METTL16: variants seen among roughly 807,000 people sequenced by gnomAD.
METTL16 encodes RNA N(6)-adenosine-methyltransferase METTL16.
Under a neutral mutation model 57.9 loss-of-function variants are expected in METTL16, and 19 were observed. The observed-to-expected ratio is 0.33, with a 90% CI of 0.23 to 0.48. The LOEUF (loss-of-function observed/expected upper bound fraction) is 0.48, where lower values mean the gene tolerates loss of function less well. Among genes scored for constraint, METTL16 ranks in the 20% least tolerant of loss-of-function variants. The pLI is 0.99. For missense variants in METTL16, 434 were observed against 691.5 expected, an observed-to-expected ratio of 0.63 and a Z score of 4.18; for synonymous variants, 246 against 255.6, an observed-to-expected ratio of 0.96 and a Z score of 0.36.
chr17:2,450,232 C>T (rs1308336341), intron 6 of METTL16, among the ~76,000 whole-genome samples: 1 of 152,196 alleles, frequency 6.6e-6, no homozygotes, highest in Non-Finnish European at 1.5e-5. Context: ...TGTCCTTCAA[C>T]TGGCAAATGG....
At chr17:2,495,738 G>A (rs555165649) in intron 2 of METTL16, among the ~76,000 whole-genome samples, 37 of 150,598 alleles carry the variant, frequency 2.5e-4, no homozygotes, top group Non-Finnish European at 7.4e-5. Context: ...ACCCTCATAG[G>A]TGAGTCTGAC....
At chr17:2,429,376 C>G (rs552325195) in intron 8 of METTL16, among the ~76,000 whole-genome samples, 1 of 150,148 alleles carries the variant, frequency 6.7e-6, no homozygotes, top group Non-Finnish European at 1.5e-5. Context: ...TTAATAGAGA[C>G]GGGGATTCAC....
chr17:2,490,067 T>C (rs776912305), intron 2 of METTL16, among the ~76,000 whole-genome samples: 12 of 152,162 alleles, frequency 7.9e-5, no homozygotes, highest in Non-Finnish European at 1.6e-4. Flanking sequence ...TACATTCTGA[T>C]TGCATTCTTG....
chr17:2,492,058 A>C (rs950673611), intron 2 of METTL16, among the ~76,000 whole-genome samples: 2 of 150,006 alleles, frequency 1.3e-5, no homozygotes, highest in Non-Finnish European at 3.0e-5. Flanking sequence ...AAAAATACAA[A>C]AAATTAGCCG....
chr17:2,446,356 AC>A (rs2066995123), intron 6 of METTL16, among the ~76,000 whole-genome samples: 1 of 152,218 alleles, frequency 6.6e-6, no homozygotes, highest in African/African-American at 2.4e-5. Context: ...AAGAAGTAAA[AC>A]TGCCTTTACT....
intron 6 of METTL16, among the ~76,000 whole-genome samples, chr17:2,448,686 T>C (rs1420640305): frequency 4.3e-5 from 5 of 115,434 alleles, no homozygotes; most frequent in East Asian, 2.3e-4. Context: ...CCTCCACTAT[T>C]GTCCTATGAC....
chr17:2,502,750 T>G (rs1454066626), intron 1 of METTL16, among the ~76,000 whole-genome samples: 1 of 151,408 alleles, frequency 6.6e-6, no homozygotes, highest in Non-Finnish European at 1.5e-5. Flanking sequence ...AGCCAACATG[T>G]CTTTGCCGAT....
intron 8 of METTL16, 44 bp downstream of exon 8, chr17:2,438,065 C>A: frequency 7.2e-7 from 1 of 1,394,500 alleles, no homozygotes; most frequent in Non-Finnish European, 1.0e-6. Context: ...CTGAAACCCA[C>A]CATGTGCTGG....
chr17:2,486,551 G>A (rs544279120), intron 2 of METTL16, among the ~76,000 whole-genome samples: 1 of 152,180 alleles, frequency 6.6e-6, no homozygotes, highest in African/African-American at 2.4e-5. Context: ...GATTACAGGT[G>A]TGAGCCACTG....
chr17:2,487,373 C>T (rs1597466175), intron 2 of METTL16, among the ~76,000 whole-genome samples: 1 of 152,110 alleles, frequency 6.6e-6, no homozygotes, highest in Non-Finnish European at 1.5e-5. Context: ...CGGATAACAG[C>T]GATGAAGGAG....
chr17:2,460,324 A>C (rs2067140291), intron 6 of METTL16: 3 of 152,136 alleles, frequency 2.0e-5, no homozygotes, highest in African/African-American at 7.2e-5. Flanking sequence ...GGGCTCTTGC[A>C]TTTTATCCTT....
intron 2 of METTL16, among the ~76,000 whole-genome samples, chr17:2,497,941 T>C (rs975195031): frequency 2.0e-5 from 3 of 151,714 alleles, no homozygotes; most frequent in African/African-American, 7.3e-5. Flanking sequence ...ACGCCTGTAA[T>C]CCCAGCACTT....
chr17:2,483,410 C>T (rs1335566951), intron 2 of METTL16, among the ~76,000 whole-genome samples: 1 of 152,144 alleles, frequency 6.6e-6, no homozygotes, highest in Admixed American at 6.5e-5. Context: ...TAAAGAACAG[C>T]TTCTATAGGA....
At chr17:2,442,442 AT>A (rs1228149300) in intron 6 of METTL16, among the ~76,000 whole-genome samples, 1 of 152,126 alleles carries the variant, frequency 6.6e-6, no homozygotes, top group African/African-American at 2.4e-5. Context: ...CGGAGTTACG[AT>A]TTGTAAAGCA....
At chr17:2,424,640 T>C (rs914497309) in intron 8 of METTL16, among the ~76,000 whole-genome samples, 56 of 151,902 alleles carry the variant, frequency 3.7e-4, no homozygotes, top group African/African-American at 1.3e-3. Flanking sequence ...TGCTCTACTA[T>C]AGAAACTAGA....
At chr17:2,443,590 CATTA>C (rs1181094118) in intron 6 of METTL16, among the ~76,000 whole-genome samples, 3 of 151,576 alleles carry the variant, frequency 2.0e-5, no homozygotes, top group Non-Finnish European at 4.4e-5. Flanking sequence ...GAGTTCAGGC[CATTA>C]TCCTGCCTCA....
At chr17:2,467,946 CG>C in intron 4 of METTL16, 70 bp from the exon 5 acceptor site, 1 of 1,018,006 alleles carries the variant, frequency 9.8e-7, no homozygotes, top group South Asian at 1.3e-5. Flanking sequence ...CCGCGCACTG[CG>C]TAATGATTCT....
chr17:2,467,662 A>AAG, intron 5 of METTL16, 99 bp downstream of exon 5: 1 of 810,854 alleles, frequency 1.2e-6, no homozygotes, highest in Non-Finnish European at 2.1e-6. Context: ...TCCTGACTTC[A>AAG]TGATTCACCC....
At chr17:2,473,231 G>A (rs764753975) in intron 4 of METTL16, among the ~76,000 whole-genome samples, 6 of 152,084 alleles carry the variant, frequency 3.9e-5, no homozygotes, top group South Asian at 2.1e-4. Flanking sequence ...GGGTTATAGC[G>A]AATAAAGAAA....
Sources: allele counts gnomAD v4.1 joint callset (sites outside exome capture counted in the v4.1 genomes callset), GRCh38; gene constraint gnomAD v4.1.1; transcripts MANE v1.5; gene names NCBI Gene and HGNC (gene_info 2026-07-23, HGNC 2026-07-21).